Variants in CARD8 observed in about 807,000 individuals in gnomAD.
CARD8 encodes caspase recruitment domain family member 8.
In CARD8, 38 loss-of-function variants were observed where a neutral mutation model predicts 53.2. The ratio of observed to expected loss-of-function variants is 0.71; its 90% CI spans 0.55 to 0.94. The LOEUF (loss-of-function observed/expected upper bound fraction) is 0.94. CARD8 is among the 40% of genes least tolerant of loss of function. CARD8 has a pLI of 0.00. For missense variants in CARD8, 561 were observed against 655.5 expected (o/e 0.86, Z 1.57); for synonymous variants, 245 against 244.9 (o/e 1.00, Z 0.00).
At chr19:48,222,994 A>T (rs368786305) in intron 10 of CARD8, among the ~76,000 whole-genome samples, 10 of 152,096 alleles carry the variant, frequency 6.6e-5, no homozygotes, top group East Asian at 5.8e-4. Context: ...GAAGCAATAA[A>T]TTATGTACAT....
At position 48,246,801 on chromosome 19, in the gene CARD8, C is replaced by T. The variant is rs145872026; in HGVS notation, c.-44+2722G>A. 4.1e-3 allele frequency among the ~76,000 whole-genome samples: 631 copies of T among 152,256 alleles called. 2 individuals carry two copies. The highest frequency in any genetic ancestry group is 6.0e-3 in the Non-Finnish European group (406 of 68,010). The stretch of plus-strand genomic sequence containing the variant: ...TGGAAATCATGCGAAAGTCTGAAAA[C>T]TCATCTACTGACAAGGCTGTGGGAA... On this transcript the variant is annotated intron_variant, in intron 3 of 13. Coordinates refer to ENST00000651546, the MANE Select transcript of CARD8 (RefSeq NM_001184900.3).
intron 4 of CARD8, among the ~76,000 whole-genome samples, chr19:48,239,006 C>T (rs2044446899): frequency 6.6e-6 from 1 of 152,226 alleles, no homozygotes; most frequent in South Asian, 2.1e-4. Flanking sequence ...GTGATGCTCG[C>T]TACTGGCTTC....
At chr19:48,251,578 A>C (rs2046945710) in intron 1 of CARD8, among the ~76,000 whole-genome samples, 1 of 152,222 alleles carries the variant, frequency 6.6e-6, no homozygotes, top group South Asian at 2.1e-4. Context: ...TAGGCCATAC[A>C]TACAATAATT....
chr19:48,217,182 T>C (rs4389238), intron 12 of CARD8, among the ~76,000 whole-genome samples: 136,293 of 152,168 alleles, frequency 0.9, 61,127 homozygotes, highest in Non-Finnish European at 0.91. Flanking sequence ...AAGCTTCGCC[T>C]GCTCACCGTC....
At chr19:48,236,867 C>A (rs747694058) in intron 5 of CARD8, among the ~76,000 whole-genome samples, 2 of 152,112 alleles carry the variant, frequency 1.3e-5, no homozygotes, top group Non-Finnish European at 2.9e-5. Context: ...CTCTGCCTCC[C>A]GAGTTCAAGC....
At chr19:48,216,344 G>A (rs181248209) in intron 12 of CARD8, among the ~76,000 whole-genome samples, 170 of 152,272 alleles carry the variant, frequency 1.1e-3, no homozygotes, top group African/African-American at 3.6e-3. Flanking sequence ...ACATCTGCAC[G>A]GCTTCTTCGC....
chr19:48,204,862 G>A (rs1259201688), downstream of CARD8, among the ~76,000 whole-genome samples: 1 of 152,204 alleles, frequency 6.6e-6, no homozygotes, highest in Admixed American at 6.5e-5. Flanking sequence ...TCCTCAGTAT[G>A]CAAAGGCATT....
intron 8 of CARD8, 39 bp downstream of exon 8, chr19:48,231,621 C>T: frequency 6.4e-7 from 1 of 1,551,624 alleles, no homozygotes; most frequent in Non-Finnish European, 8.7e-7. Flanking sequence ...TCCTTTATAT[C>T]AGAGTGGTTT....
intron 5 of CARD8, among the ~76,000 whole-genome samples, chr19:48,237,284 A>G (rs2044069987): frequency 6.6e-6 from 1 of 151,950 alleles, no homozygotes; most frequent in African/African-American, 2.4e-5. Context: ...GGAGCAAGAC[A>G]GTGAAGGGGG....
chr19:48,213,707 T>C (rs1162288899), intron 13 of CARD8, among the ~76,000 whole-genome samples: 1 of 152,216 alleles, frequency 6.6e-6, no homozygotes, highest in African/African-American at 2.4e-5. Context: ...AATAATTTTT[T>C]CTCTGCTATA....
In CARD8 at chr19:48,255,894, G is replaced by C. The variant is rs1967228318; in HGVS notation, c.-354C>G. On this transcript the variant is annotated 5_prime_UTR_variant, in exon 1 of 14. Transcript: ENST00000651546. ...GTTTCTCTGGTTCTCAACTTCTTTT[G>C]AAATAACGCTCGCAGAGGAGGTGGG... 6.6e-6 allele frequency: 1 copy of C among 152,154 alleles called. No homozygotes were observed. Among genetic ancestry groups the C allele is most frequent in the Non-Finnish European group, 1.5e-5 (1 of 68,032 alleles). 9.4% of individuals were successfully genotyped at this position (152,154 alleles called of 1,614,324 possible). A position where few individuals can be genotyped will look rare whatever the true frequency, so the allele number is the denominator to read the frequency against.
intron 11 of CARD8, among the ~76,000 whole-genome samples, chr19:48,220,954 A>AAGGAAGGAAGGAAGG (rs10638078): frequency 0.099 from 9,993 of 100,686 alleles, 1,081 homozygotes; most frequent in South Asian, 0.13. Flanking sequence ...AAAGGAAAGG[A>AAGGAAGGAAGGAAGG]AAGGAAGGAA....
At chr19:48,249,482 ACT>A (rs1301836360) in intron 3 of CARD8, 39 bp downstream of exon 3, 1 of 152,170 alleles carries the variant, frequency 6.6e-6, no homozygotes, top group Non-Finnish European at 1.5e-5. Context: ...GATATTATAA[ACT>A]CTGCAGAAGT....
rs541040361 is a variant in CARD8 at position 48,230,690 on chromosome 19, C to T, written c.783G>A (p.Val261=). 5 of 1,613,552 alleles carry T rather than the reference C, an allele frequency of 3.1e-6. No individual in the cohort carries two copies. The Admixed American group carries it at 8.3e-5, about 27-fold the overall frequency. Reference sequence around the variant, plus strand: ...GGGCAACGAGAAACCAGGAGACGTCCACCTCACCTGCTGCAGGAGAACCAC... The same window carrying T: ...GGGCAACGAGAAACCAGGAGACGTCTACCTCACCTGCTGCAGGAGAACCAC... ...PHFISLQAGE[V]DVSWFLVAHF... is the part of the protein sequence containing the mutation. The change falls in exon 10 of 14, where the codon GTG becomes GTA. Residue 261 remains valine, a synonymous_variant. Transcript: ENST00000651546.
intron 1 of CARD8, among the ~76,000 whole-genome samples, chr19:48,251,700 A>G (rs775208978): frequency 6.6e-6 from 1 of 152,182 alleles, no homozygotes; most frequent in Non-Finnish European, 1.5e-5. Flanking sequence ...TCTTGGTACT[A>G]TTTAATGGAT....
intron 4 of CARD8, among the ~76,000 whole-genome samples, 198 bp from the exon 5 acceptor site, chr19:48,238,730 A>T (rs1028162252): frequency 1.3e-5 from 2 of 152,164 alleles, no homozygotes; most frequent in Non-Finnish European, 2.9e-5. Context: ...ATCCTTAGAG[A>T]CATCCATCCT....
intron 5 of CARD8, among the ~76,000 whole-genome samples, chr19:48,237,535 G>A (rs192242453): frequency 0.011 from 1,619 of 152,084 alleles, 13 homozygotes; most frequent in Non-Finnish European, 0.017. Context: ...AGCGACTCAC[G>A]CCTGTAATCC....
intron 10 of CARD8, among the ~76,000 whole-genome samples, chr19:48,225,899 G>A (rs770616890): frequency 3.0e-4 from 46 of 151,968 alleles, no homozygotes; most frequent in East Asian, 5.8e-4. Flanking sequence ...CTAAAAATAC[G>A]AAAATTAGCC....
At chr19:48,232,925 T>G (rs961991932) in intron 6 of CARD8, 2 of 387,658 alleles carry the variant, frequency 5.2e-6, no homozygotes, top group Non-Finnish European at 1.0e-5. Context: ...CCACGTTCAA[T>G]GTGGACACAG....
Sources: allele counts gnomAD v4.1 joint callset (sites outside exome capture counted in the v4.1 genomes callset), GRCh38; gene constraint gnomAD v4.1.1; transcripts MANE v1.5; gene names NCBI Gene and HGNC (gene_info 2026-07-23, HGNC 2026-07-21).